CCDC149: variants seen among roughly 807,000 people sequenced by gnomAD.
CCDC149 encodes coiled-coil domain containing 149.
CCDC149 carries 45 observed loss-of-function variants against 59.9 expected under a neutral mutation model. The ratio of observed to expected loss-of-function variants is 0.75; its 90% CI spans 0.59 to 0.96. CCDC149 has a LOEUF of 0.96. CCDC149 is among the 40% of genes least tolerant of loss of function. The pLI is 0.00. For synonymous variants in CCDC149, 245 were observed against 260.6 expected (o/e 0.94, Z 0.58); for missense variants, 584 against 664.7 (o/e 0.88, Z 1.33).
chr4:24,808,873 C>A, intron 12 of CCDC149, 54 bp from the exon 13 acceptor site: 2 of 1,446,160 alleles, frequency 1.4e-6, no homozygotes, highest in South Asian at 1.4e-5. Context: ...CAGCCCTCAC[C>A]GCCCCTCTTC....
chr4:24,979,859 G>A (rs1724394834), intron 1 of CCDC149, among the ~76,000 whole-genome samples: 1 of 152,142 alleles, frequency 6.6e-6, no homozygotes, highest in African/African-American at 2.4e-5. Context: ...ACGTCAATGC[G>A]TCGATGTTAA....
intron 3 of CCDC149, among the ~76,000 whole-genome samples, chr4:24,856,507 A>G (rs1718017952): frequency 6.6e-6 from 1 of 152,216 alleles, no homozygotes; most frequent in South Asian, 2.1e-4. Flanking sequence ...TTACATCAAG[A>G]CTTGAAAAAG....
chr4:24,957,236 G>C (rs919786872), intron 1 of CCDC149, among the ~76,000 whole-genome samples: 16 of 152,138 alleles, frequency 1.1e-4, no homozygotes, highest in Admixed American at 7.2e-4. Context: ...CACATCCAGG[G>C]ACCTTCCATT....
chr4:24,859,061 A>G (rs1718209097), intron 3 of CCDC149, among the ~76,000 whole-genome samples: 2 of 152,230 alleles, frequency 1.3e-5, no homozygotes, highest in African/African-American at 4.8e-5. Flanking sequence ...AGATTTTAAA[A>G]TACGGACAGT....
intron 1 of CCDC149, among the ~76,000 whole-genome samples, chr4:24,931,790 A>T (rs868449884): frequency 8.3e-6 from 1 of 120,480 alleles, no homozygotes; most frequent in African/African-American, 3.2e-5. Flanking sequence ...TTCTGGCAGC[A>T]CTGTAATATG....
intron 1 of CCDC149, among the ~76,000 whole-genome samples, chr4:24,964,416 G>A (rs1360296540): frequency 6.6e-6 from 1 of 152,072 alleles, no homozygotes. Context: ...AATTAAATTT[G>A]AAACGAATGA....
intron 1 of CCDC149, among the ~76,000 whole-genome samples, chr4:24,908,645 A>C (rs1721683825): frequency 6.6e-6 from 1 of 152,182 alleles, no homozygotes; most frequent in African/African-American, 2.4e-5. Flanking sequence ...GGCTGAAGTG[A>C]GCCATGATCG....
rs1714306743 is a variant in CCDC149 at position 24,807,831 on chromosome 4, ACAGCAGTG to A, written c.*550_*557del. On this transcript the variant is annotated 3_prime_UTR_variant, in exon 13 of 13. Coordinates refer to ENST00000635206, the MANE Select transcript of CCDC149 (RefSeq NM_001330643.2). The stretch of plus-strand genomic sequence containing the variant: ...CTTCCAACTGCCAGTCTGTACCACG[ACAGCAGTG>A]CTGTGGGCACAATGCCAAGCACACC... The A allele has an allele frequency of 6.6e-6, 1 of 152,268 alleles. No individual in the cohort carries two copies. The highest frequency in any genetic ancestry group is 2.4e-5 in the African/African-American group (1 of 41,454). The allele number at this position is 152,268 out of a possible 1,614,324, so 9.4% of individuals were successfully genotyped here. A position where few individuals can be genotyped will look rare whatever the true frequency, so the allele number is the denominator to read the frequency against.
intron 3 of CCDC149, among the ~76,000 whole-genome samples, chr4:24,872,922 C>A (rs1408382296): frequency 2.0e-5 from 3 of 151,372 alleles, no homozygotes; most frequent in African/African-American, 7.3e-5. Context: ...TATGTAACCA[C>A]TGAACAGTAT....
intron 12 of CCDC149, among the ~76,000 whole-genome samples, chr4:24,816,297 G>A (rs1715012156): frequency 1.3e-5 from 2 of 151,944 alleles, no homozygotes; most frequent in Non-Finnish European, 1.5e-5. Context: ...CACTATTGTT[G>A]CCCAGGCTGG....
At chr4:24,896,236 T>C (rs1448733691) in intron 1 of CCDC149, among the ~76,000 whole-genome samples, 1 of 152,192 alleles carries the variant, frequency 6.6e-6, no homozygotes, top group African/African-American at 2.4e-5. Context: ...ACCTGCTCAG[T>C]CTAATCCACA....
intron 4 of CCDC149, among the ~76,000 whole-genome samples, chr4:24,839,061 C>CACAG (rs1491585311): frequency 8.7e-6 from 1 of 115,330 alleles, no homozygotes; most frequent in Admixed American, 8.8e-5. Context: ...CACACACACA[C>CACAG]AGAGAGAGAG....
intron 2 of CCDC149, among the ~76,000 whole-genome samples, chr4:24,874,253 TTTTTTTG>T (rs1157645794): frequency 2.9e-5 from 2 of 69,410 alleles, no homozygotes; most frequent in South Asian, 5.1e-4. Context: ...TGTTTTTTTT[TTTTTTTG>T]TTTTGTTTTT....
intron 10 of CCDC149, 147 bp downstream of exon 10, chr4:24,822,350 G>T (rs1425592892): frequency 6.4e-6 from 3 of 469,900 alleles, no homozygotes; most frequent in Non-Finnish European, 7.4e-6. Flanking sequence ...AACACTTGTA[G>T]ATTTTTTCAG....
In CCDC149 at chr4:24,841,404, C is replaced by A. The variant is rs1453297012; in HGVS notation, c.373-3132G>T. On this transcript the variant is annotated intron_variant, in intron 4 of 12. Transcript: ENST00000635206. The stretch of plus-strand genomic sequence containing the variant: ...GGTCTGACAGCCATATAAGAGTCAT[C>A]TTTTATATATTGGATGCCTGTTAAG... Among the ~76,000 whole-genome samples the A allele has an allele frequency of 4.6e-5, 7 of 152,182 alleles. No homozygotes were observed. The East Asian group carries it at 1.3e-3, about 29-fold the overall frequency.
chr4:24,911,781 C>G (rs1577479841), intron 1 of CCDC149, among the ~76,000 whole-genome samples: 1 of 152,220 alleles, frequency 6.6e-6, no homozygotes, highest in African/African-American at 2.4e-5. Context: ...TCAGACTGAC[C>G]TGGAGACCCA....
intron 1 of CCDC149, among the ~76,000 whole-genome samples, chr4:24,979,762 G>C (rs1724390789): frequency 6.6e-6 from 1 of 152,110 alleles, no homozygotes; most frequent in African/African-American, 2.4e-5. Flanking sequence ...TTGTGACCCA[G>C]GGACCATTAC....
chr4:24,879,955 A>G (rs1303467782), intron 1 of CCDC149, among the ~76,000 whole-genome samples: 4 of 152,240 alleles, frequency 2.6e-5, no homozygotes, highest in Admixed American at 1.3e-4. Context: ...GAGGCCACAG[A>G]TAGCCCACAA....
intron 3 of CCDC149, among the ~76,000 whole-genome samples, chr4:24,860,887 T>C (rs1237643818): frequency 6.6e-6 from 1 of 151,934 alleles, no homozygotes; most frequent in Non-Finnish European, 1.5e-5. Context: ...CAAATCAAAA[T>C]CACAATGCAA....
Sources: allele counts gnomAD v4.1 joint callset (sites outside exome capture counted in the v4.1 genomes callset), GRCh38; gene constraint gnomAD v4.1.1; transcripts MANE v1.5; gene names NCBI Gene and HGNC (gene_info 2026-07-23, HGNC 2026-07-21).